Variants in RTN3 observed in about 807,000 individuals in gnomAD.
RTN3 encodes reticulon 3.
In RTN3, 49 loss-of-function variants were observed where a neutral mutation model predicts 77.8. That is an observed-to-expected ratio of 0.63 (90% CI 0.50 to 0.80). The LOEUF (loss-of-function observed/expected upper bound fraction) is 0.80. Ranked by LOEUF, RTN3 falls within the 30% of genes least tolerant of loss-of-function variation. The pLI is 0.00. For missense variants in RTN3, 1,236 were observed against 1,211.9 expected (o/e 1.02, Z -0.29); for synonymous variants, 464 against 446.9 (o/e 1.04, Z -0.48).
chr11:63,748,225 A>G (rs1025640612), intron 3 of RTN3, among the ~76,000 whole-genome samples: 1 of 150,316 alleles, frequency 6.7e-6, no homozygotes, highest in African/African-American at 2.5e-5. Flanking sequence ...AGAGAGTTGG[A>G]GGTGTCTTTA....
chr11:63,691,939 T>C (rs1941680206), intron 1 of RTN3, among the ~76,000 whole-genome samples: 1 of 152,178 alleles, frequency 6.6e-6, no homozygotes, highest in Non-Finnish European at 1.5e-5. Context: ...TGGCTTCCTG[T>C]TACACTCCGT....
intron 3 of RTN3, among the ~76,000 whole-genome samples, chr11:63,725,154 C>T (rs957758050): frequency 7.2e-5 from 11 of 151,974 alleles, no homozygotes; most frequent in African/African-American, 2.4e-4. Flanking sequence ...GACGTAACAC[C>T]GTCATGGACC....
chr11:63,718,479 G>A (rs1008871996), intron 2 of RTN3, among the ~76,000 whole-genome samples: 3 of 152,096 alleles, frequency 2.0e-5, no homozygotes, highest in East Asian at 1.9e-4. Context: ...TTTGCAGTTT[G>A]TGGCATGATA....
At chr11:63,687,301 A>G (rs1941424902) in intron 1 of RTN3, among the ~76,000 whole-genome samples, 1 of 152,204 alleles carries the variant, frequency 6.6e-6, no homozygotes, top group African/African-American at 2.4e-5. Flanking sequence ...AATAGTATCT[A>G]TCTTGGAGTT....
rs555606578 is a variant in RTN3 at position 63,686,494 on chromosome 11, C to T, written c.142+4716C>T. Among the ~76,000 whole-genome samples, 36 of 127,642 alleles carry T rather than the reference C, an allele frequency of 2.8e-4. No individual in the cohort carries two copies. The South Asian group carries it at 8.5e-3, about 30-fold the overall frequency. The allele number at this position is 127,642 out of a possible 152,430, so 83.7% of individuals were successfully genotyped here. ...TCAAAAAAAAAAAAAAAAAAAAGAA[C>T]AAATTCTATACTTGCTAGAGACTGC... On this transcript the variant is annotated intron_variant, in intron 1 of 8. Coordinates refer to ENST00000377819, the MANE Select transcript of RTN3 (RefSeq NM_001265589.2).
intron 1 of RTN3, among the ~76,000 whole-genome samples, chr11:63,703,096 TA>T (rs1942325727): frequency 6.6e-6 from 1 of 152,100 alleles, no homozygotes; most frequent in African/African-American, 2.4e-5. Context: ...GGACCAAAAA[TA>T]TTTTTTTAAA....
At chr11:63,743,101 A>C (rs971266953) in intron 3 of RTN3, among the ~76,000 whole-genome samples, 1 of 151,946 alleles carries the variant, frequency 6.6e-6, no homozygotes, top group African/African-American at 2.4e-5. Context: ...GGGTTTTGCC[A>C]TGTTGACCAG....
intron 3 of RTN3, among the ~76,000 whole-genome samples, chr11:63,729,588 C>T (rs1031842733): frequency 6.6e-6 from 1 of 150,426 alleles, no homozygotes; most frequent in Non-Finnish European, 1.5e-5. Flanking sequence ...CTCCCATGTA[C>T]CTGGGACCAC....
chr11:63,694,212 T>C (rs1941812476), intron 1 of RTN3, among the ~76,000 whole-genome samples: 1 of 152,148 alleles, frequency 6.6e-6, no homozygotes, highest in Non-Finnish European at 1.5e-5. Flanking sequence ...ATTTTGTTCT[T>C]GTTGCCCAGG....
chr11:63,732,818 T>C (rs2012788874), intron 3 of RTN3, among the ~76,000 whole-genome samples: 1 of 152,156 alleles, frequency 6.6e-6, no homozygotes, highest in African/African-American at 2.4e-5. Context: ...ATATGTCATA[T>C]ATAATACATA....
Position 63,742,649 on chromosome 11 carries a change from C to G in RTN3, c.2531-7342C>G, listed in dbSNP as rs545139397. On this transcript the variant is annotated intron_variant, in intron 3 of 8. Transcript: ENST00000377819. ...AACAAGAACAAAACTCCATCACACACAAAAAAAAGAAAGGATTGTGATTAA... is the reference window on the plus strand; with the variant it reads ...AACAAGAACAAAACTCCATCACACAGAAAAAAAAGAAAGGATTGTGATTAA... Among the ~76,000 whole-genome samples the G allele has an allele frequency of 4.6e-5, 7 of 151,210 alleles. No individual in the cohort carries two copies. In the South Asian group the frequency reaches 1.5e-3, roughly 32 times the overall value.
chr11:63,738,632 TAA>T (rs60275741), intron 3 of RTN3, among the ~76,000 whole-genome samples: 26 of 138,572 alleles, frequency 1.9e-4, no homozygotes, highest in African/African-American at 1.9e-4. Context: ...ACCCTGTCTT[TAA>T]AAAAAAAAAA....
chr11:63,694,374 C>G (rs1941825146), intron 1 of RTN3, among the ~76,000 whole-genome samples: 2 of 152,064 alleles, frequency 1.3e-5, no homozygotes, highest in Non-Finnish European at 2.9e-5. Context: ...CGGGGTTTCT[C>G]CATGTTGGTC....
intron 4 of RTN3, among the ~76,000 whole-genome samples, chr11:63,751,368 T>C (rs1357558215): frequency 2.0e-5 from 3 of 152,226 alleles, no homozygotes; most frequent in Non-Finnish European, 4.4e-5. Context: ...TCCGTATCTC[T>C]TACTAGTTTT....
chr11:63,735,585 TC>T (rs2013054205), intron 3 of RTN3, among the ~76,000 whole-genome samples: 1 of 149,106 alleles, frequency 6.7e-6, no homozygotes, highest in African/African-American at 2.5e-5. Flanking sequence ...TCTCTCTCTC[TC>T]TCTCTCTCTC....
intron 1 of RTN3, among the ~76,000 whole-genome samples, chr11:63,696,075 C>T (rs552295111): frequency 1.9e-4 from 29 of 149,094 alleles, no homozygotes; most frequent in African/African-American, 7.2e-4. Flanking sequence ...ATTATTAGAC[C>T]TTTGTTAAGT....
rs113499022 is a variant in RTN3 at position 63,719,597 on chromosome 11, T to C, written c.1095T>C (p.Leu365=). 8 of 1,613,920 alleles carry C rather than the reference T, an allele frequency of 5.0e-6. No homozygotes were observed. The highest frequency in any genetic ancestry group is 6.8e-6 in the Non-Finnish European group (8 of 1,180,014). ...ACTGCATCACAAAAACTACAGGACT[T>C]GACATGAGTGAATATAATTCAGAAA... ...SSDCITKTTG[L]DMSEYNSEIP... Residue 365 remains leucine (L), a synonymous_variant, in exon 3 of 9, where the codon CTT becomes CTC. Transcript: ENST00000377819.
chr11:63,704,130 G>A (rs1942381165), intron 1 of RTN3, among the ~76,000 whole-genome samples: 1 of 151,794 alleles, frequency 6.6e-6, no homozygotes, highest in Admixed American at 6.6e-5. Context: ...AGCTTCTTGA[G>A]TAGCTGGGAT....
At chr11:63,682,853 C>T (rs1428304699) in intron 1 of RTN3, among the ~76,000 whole-genome samples, 1 of 152,032 alleles carries the variant, frequency 6.6e-6, no homozygotes, top group Non-Finnish European at 1.5e-5. Context: ...AAAAAAAAAC[C>T]ACCATGGGCA....
Sources: allele counts gnomAD v4.1 joint callset (sites outside exome capture counted in the v4.1 genomes callset), GRCh38; gene constraint gnomAD v4.1.1; transcripts MANE v1.5; gene names NCBI Gene and HGNC (gene_info 2026-07-23, HGNC 2026-07-21).